ZDHHC20: variants seen among roughly 807,000 people sequenced by gnomAD.
ZDHHC20 encodes zDHHC palmitoyltransferase 20.
Under a neutral mutation model 57.8 loss-of-function variants are expected in ZDHHC20, and 43 were observed. The observed-to-expected ratio is 0.74, with a 90% CI of 0.58 to 0.96. The LOEUF is 0.96. ZDHHC20 is among the 40% of genes least tolerant of loss of function. The pLI is 0.00. For synonymous variants in ZDHHC20, 157 were observed against 153.0 expected (o/e 1.03, Z -0.19); for missense variants, 391 against 441.1 (o/e 0.89, Z 1.02).
intron 11 of ZDHHC20, among the ~76,000 whole-genome samples, chr13:21,379,169 A>G (rs560427652): frequency 1.7e-4 from 26 of 152,374 alleles, no homozygotes; most frequent in Admixed American, 1.5e-3. Context: ...AATGCTGCTA[A>G]AAGTCAAGAC....
intron 1 of ZDHHC20, among the ~76,000 whole-genome samples, chr13:21,456,623 A>G (rs1300359024): frequency 6.6e-6 from 1 of 152,150 alleles, no homozygotes; most frequent in African/African-American, 2.4e-5. Flanking sequence ...ATGCTCAACT[A>G]TTTTATACTC....
In ZDHHC20 at chr13:21,376,674, A is replaced by T; in HGVS notation, c.*41-19T>A. 1 of 1,394,852 alleles carries T rather than the reference A, an allele frequency of 7.2e-7. No homozygotes were observed. The highest frequency in any genetic ancestry group is 1.4e-5 in the South Asian group (1 of 72,516). 86.4% of individuals were successfully genotyped at this position (1,394,852 alleles called of 1,614,324 possible). ...CATACACCTACAAAAAAAGAAACAA[A>T]TTATTGGTTAAAACTTGATTTTTTA... On this transcript the variant is annotated intron_variant, in intron 12 of 12. Transcript: ENST00000400590.
chr13:21,431,380 T>C (rs1881915958), intron 1 of ZDHHC20, among the ~76,000 whole-genome samples: 1 of 152,196 alleles, frequency 6.6e-6, no homozygotes, highest in Admixed American at 6.5e-5. Flanking sequence ...ATTCAAATTA[T>C]ATCCCACTGG....
chr13:21,421,730 T>C (rs918823462), intron 2 of ZDHHC20, among the ~76,000 whole-genome samples: 2 of 152,178 alleles, frequency 1.3e-5, no homozygotes, highest in Non-Finnish European at 2.9e-5. Context: ...TAGATTAATG[T>C]TAACATTCCA....
chr13:21,397,418 T>C (rs1287450323), intron 7 of ZDHHC20, among the ~76,000 whole-genome samples: 1 of 151,930 alleles, frequency 6.6e-6, no homozygotes, highest in African/African-American at 2.4e-5. Context: ...TCCCAGCACT[T>C]TGGGAGGCCG....
chr13:21,387,905 T>C (rs1874868418), intron 8 of ZDHHC20, among the ~76,000 whole-genome samples: 1 of 152,130 alleles, frequency 6.6e-6, no homozygotes, highest in Non-Finnish European at 1.5e-5. Flanking sequence ...GCTCAGTATC[T>C]CTTGGCTTTT....
chr13:21,378,535 C>T (rs1451728862), intron 12 of ZDHHC20, 126 bp downstream of exon 12: 2 of 419,436 alleles, frequency 4.8e-6, no homozygotes, highest in South Asian at 1.0e-4. Flanking sequence ...TCTAGTCTTT[C>T]CTGTACTGCC....
intron 3 of ZDHHC20, among the ~76,000 whole-genome samples, chr13:21,419,522 A>C (rs968980692): frequency 1.3e-5 from 2 of 152,262 alleles, no homozygotes; most frequent in African/African-American, 4.8e-5. Flanking sequence ...ATACTAAACA[A>C]TAATGAGAAT....
At chr13:21,421,963 CT>C (rs1266406674) in intron 2 of ZDHHC20, among the ~76,000 whole-genome samples, 2 of 152,042 alleles carry the variant, frequency 1.3e-5, no homozygotes, top group Non-Finnish European at 2.9e-5. Context: ...TTTTCTGTTA[CT>C]TTCAGAATTC....
chr13:21,390,328 C>T (rs187849011), intron 8 of ZDHHC20: 4 of 152,268 alleles, frequency 2.6e-5, no homozygotes, highest in Admixed American at 2.0e-4. Context: ...AGCAGTACTT[C>T]TTACATGTCA....
chr13:21,378,922 A>C (rs1413012139), intron 11 of ZDHHC20, among the ~76,000 whole-genome samples, 184 bp from the exon 12 acceptor site: 1 of 152,224 alleles, frequency 6.6e-6, no homozygotes, highest in Admixed American at 6.5e-5. Flanking sequence ...ATTAGCAGTC[A>C]AAAGTTTGAT....
chr13:21,408,082 G>C (rs1878703807), intron 4 of ZDHHC20, among the ~76,000 whole-genome samples: 1 of 152,108 alleles, frequency 6.6e-6, no homozygotes, highest in Admixed American at 6.5e-5. Flanking sequence ...TTTTTGCTTA[G>C]GATTGTCTCG....
At chr13:21,432,526 G>A (rs1882090957) in intron 1 of ZDHHC20, among the ~76,000 whole-genome samples, 1 of 152,106 alleles carries the variant, frequency 6.6e-6, no homozygotes, top group African/African-American at 2.4e-5. Flanking sequence ...TAGAGATGGG[G>A]TTTCACCATG....
chr13:21,402,162 C>T (rs539229587), intron 5 of ZDHHC20, among the ~76,000 whole-genome samples: 2 of 152,142 alleles, frequency 1.3e-5, no homozygotes, highest in Admixed American at 1.3e-4. Flanking sequence ...ATACAGATGG[C>T]CCCTATGTTA....
At chr13:21,422,669 A>T (rs188440669) in intron 2 of ZDHHC20, among the ~76,000 whole-genome samples, 3 of 152,188 alleles carry the variant, frequency 2.0e-5, no homozygotes, top group Non-Finnish European at 4.4e-5. Context: ...AATAATTATC[A>T]TTATTTTCAC....
intron 1 of ZDHHC20, among the ~76,000 whole-genome samples, chr13:21,458,469 A>C (rs929114153): frequency 6.6e-6 from 1 of 152,210 alleles, no homozygotes; most frequent in African/African-American, 2.4e-5. Flanking sequence ...AACGAATTTT[A>C]CAATGAGTCG....
chr13:21,459,017 C>A, intron 1 of ZDHHC20, 37 bp downstream of exon 1: 3 of 1,530,236 alleles, frequency 2.0e-6, no homozygotes, highest in South Asian at 2.3e-5. Flanking sequence ...CTAGCCGCGG[C>A]CCGCGCCCCG....
intron 1 of ZDHHC20, among the ~76,000 whole-genome samples, chr13:21,438,663 G>A (rs541923526): frequency 6.6e-6 from 1 of 152,350 alleles, no homozygotes; most frequent in East Asian, 1.9e-4. Flanking sequence ...CATAAACTTA[G>A]TTGATAAAGT....
intron 8 of ZDHHC20, 69 bp downstream of exon 8, chr13:21,391,650 GTTC>G (rs1159026615): frequency 1.3e-6 from 2 of 1,485,510 alleles, no homozygotes; most frequent in African/African-American, 2.8e-5. Context: ...TCTGACCCTT[GTTC>G]TTCTCTAGAT....
Sources: gnomAD v4.1 joint callset for allele counts (sites outside exome capture counted in the v4.1 genomes callset) on GRCh38, gnomAD v4.1.1 for gene constraint, MANE v1.5 for transcripts, NCBI Gene and HGNC (gene_info 2026-07-23, HGNC 2026-07-21) for gene names.